Variants in NALF1 observed in about 807,000 individuals in gnomAD.
The protein encoded by NALF1 is family with sequence similarity 155 member A.
NALF1 carries 3 observed loss-of-function variants against 48.4 expected under a neutral mutation model. That is an observed-to-expected ratio of 0.06 (90% CI 0.03 to 0.16). NALF1 has a LOEUF of 0.16. Among genes scored for constraint, NALF1 ranks in the 10% least tolerant of loss-of-function variants. The probability of loss-of-function intolerance (pLI) is 1.00; values close to 1 mark genes in which losing one functional copy is unlikely to be tolerated. For missense variants in NALF1, 526 were observed against 571.5 expected (o/e 0.92, Z 0.81); for synonymous variants, 262 against 245.7 (o/e 1.07, Z -0.62).
chr13:107,386,004 G>A (rs370813250), intron 1 of NALF1, among the ~76,000 whole-genome samples: 1 of 152,134 alleles, frequency 6.6e-6, no homozygotes, highest in East Asian at 1.9e-4. Flanking sequence ...CTTGAAATGG[G>A]TGAGGATACC....
At chr13:107,345,658 A>C (rs1032240043) in intron 1 of NALF1, among the ~76,000 whole-genome samples, 2 of 152,206 alleles carry the variant, frequency 1.3e-5, no homozygotes, top group African/African-American at 2.4e-5. Context: ...AAGTGCCTAC[A>C]TGTAATACCT....
At chr13:107,260,364 G>A (rs1307811137) in intron 1 of NALF1, among the ~76,000 whole-genome samples, 3 of 152,206 alleles carry the variant, frequency 2.0e-5, no homozygotes, top group Admixed American at 6.5e-5. Context: ...GCCATCATTT[G>A]TAACACAGAC....
Position 107,783,443 on chromosome 13 carries a change from T to C in NALF1, c.915+82239A>G, listed in dbSNP as rs539540974. Among the ~76,000 whole-genome samples the C allele has an allele frequency of 2.0e-5, 3 of 152,242 alleles. No homozygotes were observed. The South Asian group carries it at 6.2e-4, about 32-fold the overall frequency. On this transcript the variant is annotated intron_variant, in intron 1 of 2. Coordinates refer to ENST00000375915, the MANE Select transcript of NALF1 (RefSeq NM_001080396.3). ...AAAGCGGGGAAAGGCAGGGAAAGGA[T>C]TGAGAAATCGGATGGTTGCCATGTC...
intron 1 of NALF1, among the ~76,000 whole-genome samples, chr13:107,734,887 CA>C (rs1876422115): frequency 6.6e-6 from 1 of 152,104 alleles, no homozygotes; most frequent in Non-Finnish European, 1.5e-5. Flanking sequence ...CTCCTTTCTC[CA>C]CTGTACTCCA....
At chr13:107,646,545 ATT>A (rs1260159055) in intron 1 of NALF1, among the ~76,000 whole-genome samples, 2 of 152,102 alleles carry the variant, frequency 1.3e-5, no homozygotes, top group African/African-American at 4.8e-5. Context: ...GACTCAACGC[ATT>A]GTTGATTAGA....
At chr13:107,696,263 A>G (rs1009942359) in intron 1 of NALF1, among the ~76,000 whole-genome samples, 1 of 152,232 alleles carries the variant, frequency 6.6e-6, no homozygotes, top group East Asian at 1.9e-4. Flanking sequence ...ACTTAAAACA[A>G]TAAGAAGCTA....
At chr13:107,459,031 A>G (rs1884873114) in intron 1 of NALF1, among the ~76,000 whole-genome samples, 1 of 152,070 alleles carries the variant, frequency 6.6e-6, no homozygotes, top group African/African-American at 2.4e-5. Flanking sequence ...CCAAAAACAC[A>G]ATTCAGGAAT....
At chr13:107,821,831 A>G (rs977542580) in intron 1 of NALF1, among the ~76,000 whole-genome samples, 3 of 152,206 alleles carry the variant, frequency 2.0e-5, no homozygotes, top group African/African-American at 7.2e-5. Context: ...TGTCATTGTT[A>G]TTCTTCCTTA....
chr13:107,379,155 C>T (rs1035679508), intron 1 of NALF1, among the ~76,000 whole-genome samples: 1 of 152,122 alleles, frequency 6.6e-6, no homozygotes, highest in African/African-American at 2.4e-5. Flanking sequence ...ACAGATGCTT[C>T]TAAATAGGGT....
At chr13:107,782,508 C>T (rs1470670579) in intron 1 of NALF1, among the ~76,000 whole-genome samples, 17 of 152,034 alleles carry the variant, frequency 1.1e-4, no homozygotes, top group African/African-American at 3.9e-4. Flanking sequence ...CTCTGCCTGG[C>T]CGCCCATCGT....
At chr13:107,307,486 T>C (rs1395236437) in intron 1 of NALF1, among the ~76,000 whole-genome samples, 4 of 151,522 alleles carry the variant, frequency 2.6e-5, no homozygotes, top group African/African-American at 9.8e-5. Context: ...TTTTTATTTT[T>C]ATTTTTTTTT....
intron 1 of NALF1, among the ~76,000 whole-genome samples, chr13:107,725,295 C>T (rs982564316): frequency 3.9e-5 from 6 of 152,104 alleles, no homozygotes; most frequent in Admixed American, 3.3e-4. Context: ...ACCTACTAAA[C>T]TTTTTTTAAA....
chr13:107,482,633 C>T (rs1259000513), intron 1 of NALF1, among the ~76,000 whole-genome samples: 2 of 152,052 alleles, frequency 1.3e-5, no homozygotes, highest in Admixed American at 6.6e-5. Context: ...AAAAATAGCC[C>T]ATTAAATTAA....
chr13:107,416,740 C>T (rs61965877), intron 1 of NALF1, among the ~76,000 whole-genome samples: 12 of 152,274 alleles, frequency 7.9e-5, no homozygotes, highest in Admixed American at 7.8e-4. Context: ...TATCCCCAAC[C>T]CTCACGTTGC....
chr13:107,368,020 G>A (rs778345615), intron 1 of NALF1, among the ~76,000 whole-genome samples: 4 of 152,128 alleles, frequency 2.6e-5, no homozygotes, highest in Non-Finnish European at 4.4e-5. Context: ...TAATTTGAGC[G>A]TTTTAATCCT....
chr13:107,729,483 C>CTT (rs1284765795), intron 1 of NALF1, among the ~76,000 whole-genome samples: 1 of 144,414 alleles, frequency 6.9e-6, no homozygotes, highest in African/African-American at 2.5e-5. Context: ...GGTATTGATG[C>CTT]TTTTTTTTTT....
intron 1 of NALF1, among the ~76,000 whole-genome samples, chr13:107,500,159 C>A (rs1875471793): frequency 6.6e-6 from 1 of 152,190 alleles, no homozygotes; most frequent in Admixed American, 6.5e-5. Context: ...TGCAAAAAAA[C>A]ACTCCACTGT....
At chr13:107,534,296 C>G (rs994100990) in intron 1 of NALF1, among the ~76,000 whole-genome samples, 1 of 152,004 alleles carries the variant, frequency 6.6e-6, no homozygotes, top group Non-Finnish European at 1.5e-5. Flanking sequence ...CAATTAAAAA[C>G]AATTTTAAAA....
At chr13:107,259,651 G>T (rs944337770) in intron 1 of NALF1, among the ~76,000 whole-genome samples, 1 of 152,204 alleles carries the variant, frequency 6.6e-6, no homozygotes, top group Admixed American at 6.5e-5. Context: ...ACTACCAGAA[G>T]TAAAATTAGT....
Sources: allele counts gnomAD v4.1 joint callset (sites outside exome capture counted in the v4.1 genomes callset), GRCh38; gene constraint gnomAD v4.1.1; transcripts MANE v1.5; gene names NCBI Gene and HGNC (gene_info 2026-07-23, HGNC 2026-07-21).